The following TMCC3 variants were observed in gnomAD, a reference collection of about 807,000 sequenced individuals.
TMCC3 encodes the protein transmembrane and coiled-coil domain protein 3.
In TMCC3, 28 loss-of-function variants were observed where a neutral mutation model predicts 40.2. That is an observed-to-expected ratio of 0.70 (90% confidence interval 0.52 to 0.95). TMCC3 has a LOEUF of 0.95. Ranked by LOEUF, TMCC3 falls within the 40% of genes least tolerant of loss-of-function variation. The probability of loss-of-function intolerance (pLI) is 0.00; values close to 1 mark genes in which losing one functional copy is unlikely to be tolerated. For synonymous variants in TMCC3, 255 were observed against 248.5 expected (o/e 1.03, Z -0.25); for missense variants, 554 against 615.2 (o/e 0.90, Z 1.05).
At chr12:94,609,663 A>C (rs923715584) in intron 1 of TMCC3, 2 of 152,164 alleles carry the variant, frequency 1.3e-5, no homozygotes, top group African/African-American at 4.8e-5. Flanking sequence ...AACTGAATAA[A>C]ATCAGTTTCA....
chr12:94,605,031 AT>A (rs2068775046), intron 1 of TMCC3, among the ~76,000 whole-genome samples: 2 of 152,122 alleles, frequency 1.3e-5, no homozygotes. Flanking sequence ...GAATGGCTAA[AT>A]GGGTCATTCT....
intron 3 of TMCC3, among the ~76,000 whole-genome samples, chr12:94,571,948 T>C (rs1289488459): frequency 1.3e-5 from 2 of 152,220 alleles, no homozygotes; most frequent in African/African-American, 4.8e-5. Flanking sequence ...TAGAAGAGCA[T>C]GTGGATACAA....
At chr12:94,579,080 C>T (rs2068585089) in intron 2 of TMCC3, among the ~76,000 whole-genome samples, 1 of 152,204 alleles carries the variant, frequency 6.6e-6, no homozygotes, top group Non-Finnish European at 1.5e-5. Flanking sequence ...ACTGACAATA[C>T]AAAATTAAGC....
At chr12:94,573,113 C>T (rs2068542748) in intron 3 of TMCC3, among the ~76,000 whole-genome samples, 1 of 152,192 alleles carries the variant, frequency 6.6e-6, no homozygotes, top group Admixed American at 6.5e-5. Flanking sequence ...CCAACACCTG[C>T]AGTCAACCCT....
intron 2 of TMCC3, among the ~76,000 whole-genome samples, chr12:94,579,436 G>A (rs1333104949): frequency 6.6e-6 from 1 of 152,226 alleles, no homozygotes; most frequent in Non-Finnish European, 1.5e-5. Flanking sequence ...GAACCCAGAA[G>A]GTGGAGGCTG....
Position 94,650,458 on chromosome 12 carries a change from G to A in TMCC3, c.-28C>T. ...CCGCGCTCCGGCCGCGAACTTTCCC[G>A]TCTTCTGGGGCTGCCGCGCCGCGAG... On this transcript the variant is annotated 5_prime_UTR_variant, in exon 1 of 4. It adds an upstream start codon to the 5' untranslated region. Transcript: ENST00000261226. The A allele has an allele frequency of 2.4e-6, 3 of 1,257,234 alleles. No homozygotes were observed. Among genetic ancestry groups the A allele is most frequent in the Non-Finnish European group, 3.0e-6 (3 of 996,780 alleles). 77.9% of individuals were successfully genotyped at this position (1,257,234 alleles called of 1,614,324 possible). A position where few individuals can be genotyped will look rare whatever the true frequency, so the allele number is the denominator to read the frequency against.
chr12:94,615,576 G>C (rs1461616586), intron 1 of TMCC3, among the ~76,000 whole-genome samples: 1 of 152,164 alleles, frequency 6.6e-6, no homozygotes, highest in Non-Finnish European at 1.5e-5. Context: ...GGTTACTTTC[G>C]AACTCCCAGG....
chr12:94,574,177 G>A (rs1353583535), intron 3 of TMCC3, among the ~76,000 whole-genome samples: 1 of 152,066 alleles, frequency 6.6e-6, no homozygotes, highest in Non-Finnish European at 1.5e-5. Flanking sequence ...GAGATCAGGA[G>A]TTCAAGACCA....
intron 1 of TMCC3, among the ~76,000 whole-genome samples, chr12:94,640,418 A>C (rs2068983273): frequency 6.6e-6 from 1 of 152,180 alleles, no homozygotes; most frequent in African/African-American, 2.4e-5. Flanking sequence ...TCCTGGGCTT[A>C]AGCAATCCAC....
rs1555282839 is a variant in TMCC3 at position 94,593,380 on chromosome 12, A to AG, written c.79-10843_79-10842insC. On this transcript the variant is annotated intron_variant, in intron 1 of 3. Transcript: ENST00000261226. ...CATCTAAAAAAAAAAAAAGAAAAGA[A>AG]AAGAAAGAAGAAAGAAGAAAGAAGA... 4.5e-4 allele frequency among the ~76,000 whole-genome samples: 29 copies of AG among 64,450 alleles called. 7 individuals carry two copies. Among genetic ancestry groups the AG allele is most frequent in the South Asian group, 3.2e-3 (6 of 1,890 alleles). 42.3% of individuals were successfully genotyped at this position (64,450 alleles called of 152,430 possible). A position where few individuals can be genotyped will look rare whatever the true frequency, so the allele number is the denominator to read the frequency against.
At position 94,571,588 on chromosome 12, in the gene TMCC3, C is replaced by G; in HGVS notation, c.1281G>C (p.Val427=). The G allele has an allele frequency of 6.2e-7, 1 of 1,614,156 alleles. No individual in the cohort carries two copies. The highest frequency in any genetic ancestry group is 8.5e-7 in the Non-Finnish European group (1 of 1,180,034). The change falls in exon 4 of 4, where the codon GTG becomes GTC. Residue 427 remains valine (V), a synonymous_variant. Transcript: ENST00000261226. The stretch of plus-strand genomic sequence containing the variant: ...CGAACTTCGCGATGGTGGACACACA[C>G]ACTAAGATGACAGTCATGAAGGCCA... ...VILAFMTVIL[V]CVSTIAKFVS... is the part of the protein sequence containing the mutation.
chr12:94,583,919 T>G (rs1254820929), intron 1 of TMCC3, among the ~76,000 whole-genome samples: 1 of 152,232 alleles, frequency 6.6e-6, no homozygotes, highest in Non-Finnish European at 1.5e-5. Context: ...CTGAAGCATC[T>G]CATTTGTCAA....
intron 2 of TMCC3, among the ~76,000 whole-genome samples, chr12:94,580,961 G>C (rs916676400): frequency 8.5e-5 from 13 of 152,110 alleles, no homozygotes; most frequent in African/African-American, 2.9e-4. Context: ...ATAATTTAAG[G>C]ACCCACACAT....
chr12:94,601,243 G>A (rs1271717677), intron 1 of TMCC3, among the ~76,000 whole-genome samples: 5 of 152,084 alleles, frequency 3.3e-5, no homozygotes, highest in East Asian at 1.9e-4. Context: ...GGCCGGGCGC[G>A]GTGGCTCATG....
At chr12:94,596,791 C>T (rs1446277377) in intron 1 of TMCC3, among the ~76,000 whole-genome samples, 2 of 151,770 alleles carry the variant, frequency 1.3e-5, no homozygotes, top group Non-Finnish European at 2.9e-5. Context: ...AGTGGCTGCC[C>T]TAGTTGTTTA....
chr12:94,642,683 G>C (rs913572495), intron 1 of TMCC3, among the ~76,000 whole-genome samples: 3 of 152,210 alleles, frequency 2.0e-5, no homozygotes, highest in African/African-American at 2.4e-5. Flanking sequence ...CTCAATTGCA[G>C]CTCCTGCAAT....
chr12:94,627,696 C>A (rs1422669049), intron 1 of TMCC3, among the ~76,000 whole-genome samples: 1 of 152,218 alleles, frequency 6.6e-6, no homozygotes, highest in Non-Finnish European at 1.5e-5. Flanking sequence ...CTTCCCAGGT[C>A]TTTTCTCAAT....
chr12:94,570,771 G>C lies in TMCC3; in HGVS notation c.*664C>G, dbSNP rs1369267047. ...GGTGTTGGTTGCCTGGGTATGAGAA[G>C]GTGAAAGCCCCATTCATAAATCCCT... On this transcript the variant is annotated 3_prime_UTR_variant, in exon 4 of 4. Coordinates refer to ENST00000261226, the MANE Select transcript of TMCC3 (RefSeq NM_020698.4). 6.5e-6 allele frequency: 1 copy of C among 152,728 alleles called. No individual in the cohort carries two copies. Among genetic ancestry groups the C allele is most frequent in the Non-Finnish European group, 1.5e-5 (1 of 68,130 alleles). 9.5% of individuals were successfully genotyped at this position (152,728 alleles called of 1,614,324 possible). A position where few individuals can be genotyped will look rare whatever the true frequency, so the allele number is the denominator to read the frequency against.
chr12:94,622,540 A>G (rs2068881108), intron 1 of TMCC3, among the ~76,000 whole-genome samples: 1 of 152,198 alleles, frequency 6.6e-6, no homozygotes. Flanking sequence ...ACTGATCCCT[A>G]TGACCTTAAT....
Sources: gnomAD v4.1 joint callset for allele counts (sites outside exome capture counted in the v4.1 genomes callset) on GRCh38, gnomAD v4.1.1 for gene constraint, MANE v1.5 for transcripts, NCBI Gene and HGNC (gene_info 2026-07-23, HGNC 2026-07-21) for gene names.